The following L3MBTL3 variants were observed in gnomAD, a reference collection of about 807,000 sequenced individuals.
L3MBTL3 encodes lethal(3)malignant brain tumor-like protein 3.
A neutral mutation model predicts 102.3 loss-of-function variants in L3MBTL3; 27 were observed. The observed-to-expected ratio is 0.26, with a 90% confidence interval of 0.19 to 0.36. L3MBTL3 has a LOEUF of 0.36. Ranked by LOEUF, L3MBTL3 falls within the 10% of genes least tolerant of loss-of-function variation. The pLI is 1.00. For missense variants in L3MBTL3, 798 were observed against 955.3 expected, an observed-to-expected ratio of 0.84 and a Z score of 2.17; for synonymous variants, 340 against 320.9, an observed-to-expected ratio of 1.06 and a Z score of -0.64.
At chr6:130,080,768 A>G (rs1171439171) in intron 14 of L3MBTL3, among the ~76,000 whole-genome samples, 2 of 152,256 alleles carry the variant, frequency 1.3e-5, no homozygotes, top group African/African-American at 4.8e-5. Context: ...ACAATAGTAA[A>G]AATGGTAAAT....
chr6:130,080,643 C>T (rs540350970), intron 14 of L3MBTL3, among the ~76,000 whole-genome samples: 42 of 151,302 alleles, frequency 2.8e-4, no homozygotes, highest in Non-Finnish European at 4.6e-4. Flanking sequence ...CTTTCCTGGA[C>T]GTTTATAATT....
chr6:130,099,237 A>T (rs145365380), intron 18 of L3MBTL3, among the ~76,000 whole-genome samples: 4 of 152,248 alleles, frequency 2.6e-5, no homozygotes, highest in African/African-American at 9.6e-5. Context: ...GTATCATCCT[A>T]TGGGACTCTG....
intron 10 of L3MBTL3, among the ~76,000 whole-genome samples, chr6:130,060,516 GA>G (rs1010313795): frequency 2.0e-5 from 3 of 151,170 alleles, no homozygotes; most frequent in Non-Finnish European, 4.4e-5. Context: ...AATTTTTCAG[GA>G]AAAAAATGAC....
chr6:130,039,006 T>C (rs944457394), intron 2 of L3MBTL3, among the ~76,000 whole-genome samples: 113 of 152,270 alleles, frequency 7.4e-4, no homozygotes, highest in African/African-American at 2.5e-3. Flanking sequence ...ACAGAAGTTT[T>C]TTTTTCCTAT....
chr6:130,119,617 A>G (rs555822885), intron 19 of L3MBTL3, among the ~76,000 whole-genome samples: 19 of 150,954 alleles, frequency 1.3e-4, no homozygotes, highest in South Asian at 1.3e-3. Flanking sequence ...TTTCTCTTGG[A>G]AAAAAAAATA....
Position 130,070,984 on chromosome 6 carries a change from C to T in L3MBTL3, c.1101C>T (p.Ile367=), listed in dbSNP as rs1245240157. The change falls in exon 13 of 23, where the codon ATC becomes ATT. Residue 367 remains isoleucine (I), a synonymous_variant. Coordinates refer to ENST00000361794, the MANE Select transcript of L3MBTL3 (RefSeq NM_032438.4). ...TCTGTGTGTTTCCATAGACAGTGAT[C>T]CCATCGGGCTTTCGAGTTGGTATGA... ...SLFENQNITV[I]PSGFRVGMKL... 1 of 1,612,666 alleles carries T rather than the reference C, an allele frequency of 6.2e-7. No individual in the cohort carries two copies. Among genetic ancestry groups the T allele is most frequent in the Non-Finnish European group, 8.5e-7 (1 of 1,179,216 alleles).
At chr6:130,136,571 C>T (rs1462374416) in intron 22 of L3MBTL3, among the ~76,000 whole-genome samples, 1 of 152,158 alleles carries the variant, frequency 6.6e-6, no homozygotes, top group African/African-American at 2.4e-5. Flanking sequence ...CATCCCTGCT[C>T]CTGCTGCCCA....
chr6:130,092,946 C>G, intron 17 of L3MBTL3, 87 bp downstream of exon 17: 2 of 770,536 alleles, frequency 2.6e-6, no homozygotes, highest in Non-Finnish European at 2.2e-6. Flanking sequence ...TCTTTTTCTC[C>G]TCCTCTCTCT....
chr6:130,070,033 T>G (rs1448380198), intron 12 of L3MBTL3, among the ~76,000 whole-genome samples: 1 of 152,212 alleles, frequency 6.6e-6, no homozygotes, highest in Non-Finnish European at 1.5e-5. Flanking sequence ...AAATGAGAGA[T>G]AGCATTTATT....
intron 19 of L3MBTL3, among the ~76,000 whole-genome samples, chr6:130,109,738 T>C (rs1157486345): frequency 6.6e-6 from 1 of 152,224 alleles, no homozygotes. Flanking sequence ...ATTTTGGCTT[T>C]TGTTGCAGTT....
At chr6:130,036,123 A>G (rs78410426) in intron 2 of L3MBTL3, among the ~76,000 whole-genome samples, 6,406 of 152,212 alleles carry the variant, frequency 0.042, 336 homozygotes, top group African/African-American at 0.13. Context: ...TCTCAGGAAC[A>G]CGAATTGTTG....
At chr6:130,089,371 C>T (rs941470336) in intron 16 of L3MBTL3, among the ~76,000 whole-genome samples, 1 of 152,054 alleles carries the variant, frequency 6.6e-6, no homozygotes, top group Non-Finnish European at 1.5e-5. Flanking sequence ...CCAGCTTCAT[C>T]CATGTCCCTG....
At chr6:130,125,904 GCA>G (rs200036197) in intron 20 of L3MBTL3, among the ~76,000 whole-genome samples, 1 of 151,654 alleles carries the variant, frequency 6.6e-6, no homozygotes, top group Admixed American at 6.6e-5. Context: ...AGACACGCAT[GCA>G]CACACACACA....
At chr6:130,021,311 G>C (rs1441414991) in intron 1 of L3MBTL3, among the ~76,000 whole-genome samples, 1 of 152,244 alleles carries the variant, frequency 6.6e-6, no homozygotes, top group Non-Finnish European at 1.5e-5. Context: ...AGACGTGGAA[G>C]TAATTAGAGG....
At chr6:130,073,662 G>A (rs1782771523) in intron 13 of L3MBTL3, among the ~76,000 whole-genome samples, 1 of 152,080 alleles carries the variant, frequency 6.6e-6, no homozygotes, top group Admixed American at 6.6e-5. Context: ...AAAAAAGTAA[G>A]GGGAGAGTCT....
chr6:130,093,658 T>G (rs185521204), intron 17 of L3MBTL3, among the ~76,000 whole-genome samples: 104 of 152,314 alleles, frequency 6.8e-4, no homozygotes, highest in African/African-American at 2.3e-3. Context: ...AGACAAGAAG[T>G]TAAAAACCAA....
chr6:130,064,400 A>T (rs1012856998), intron 10 of L3MBTL3, among the ~76,000 whole-genome samples: 1 of 152,116 alleles, frequency 6.6e-6, no homozygotes, highest in Non-Finnish European at 1.5e-5. Flanking sequence ...TAAATTTAAT[A>T]CTAAGAAGCA....
intron 19 of L3MBTL3, among the ~76,000 whole-genome samples, chr6:130,108,013 A>G (rs1785093205): frequency 6.6e-6 from 1 of 152,178 alleles, no homozygotes. Flanking sequence ...AAAGAGCAGC[A>G]GAATGTGGTG....
intron 19 of L3MBTL3, among the ~76,000 whole-genome samples, chr6:130,105,551 G>C (rs1448821526): frequency 6.6e-6 from 1 of 150,418 alleles, no homozygotes; most frequent in African/African-American, 2.4e-5. Flanking sequence ...GAGCCTGGGA[G>C]GTCGAGGCTG....
Sources: allele counts gnomAD v4.1 joint callset (sites outside exome capture counted in the v4.1 genomes callset), GRCh38; gene constraint gnomAD v4.1.1; transcripts MANE v1.5; gene names NCBI Gene and HGNC (gene_info 2026-07-23, HGNC 2026-07-21).